The following PCSK2 variants were observed in gnomAD, a reference collection of about 807,000 sequenced individuals.
PCSK2 encodes the protein neuroendocrine convertase 2.
PCSK2 carries 14 observed loss-of-function variants against 69.7 expected under a neutral mutation model. The observed-to-expected ratio is 0.20, with a 90% confidence interval of 0.13 to 0.31. PCSK2 has a LOEUF of 0.31. Ranked by LOEUF, PCSK2 falls within the 10% of genes least tolerant of loss-of-function variation. The pLI is 1.00. For synonymous variants in PCSK2, 307 were observed against 320.7 expected (o/e 0.96, Z 0.46); for missense variants, 544 against 842.5 (o/e 0.65, Z 4.39).
At chr20:17,481,550 T>G in intron 11 of PCSK2, 34 bp from the exon 12 acceptor site, 1 of 1,597,910 alleles carries the variant, frequency 6.3e-7, no homozygotes, top group Non-Finnish European at 8.5e-7. Flanking sequence ...CACCCACCAC[T>G]GCTTATCCTA....
chr20:17,481,942 G>A lies in PCSK2; in HGVS notation c.1789G>A (p.Ala597Thr). The change falls in exon 12 of 12, where the codon GCC becomes ACC. Residue 597 changes from alanine to threonine, a missense_variant. Ala to Thr is a moderately conservative substitution (Grantham distance 58). Around this residue, in one of 3 missense-constraint regions of PCSK2, gnomAD observed 200 missense variants for 287.8 expected, o/e 0.69. Transcript: ENST00000262545. ...WTLMLHGTQS[A>T]PYIDQVVRDY... ...CCTGATGCTGCATGGCACTCAGAGT[G>A]CCCCGTACATCGACCAGGTGGTGCG... 1.9e-6 allele frequency: 3 copies of A among 1,613,628 alleles called. No individual in the cohort carries two copies. Among genetic ancestry groups the A allele is most frequent in the Non-Finnish European group, 1.7e-6 (2 of 1,179,976 alleles).
At chr20:17,441,036 C>T (rs555508739) in intron 8 of PCSK2, among the ~76,000 whole-genome samples, 13 of 152,286 alleles carry the variant, frequency 8.5e-5, no homozygotes, top group Non-Finnish European at 1.8e-4. Flanking sequence ...GGCTAGGCCA[C>T]ACTCACCCTG....
At chr20:17,301,114 CT>C (rs1989065563) in intron 2 of PCSK2, among the ~76,000 whole-genome samples, 1 of 152,176 alleles carries the variant, frequency 6.6e-6, no homozygotes, top group Admixed American at 6.5e-5. Flanking sequence ...AAGCAAGACA[CT>C]AGGATTGCAG....
intron 5 of PCSK2, among the ~76,000 whole-genome samples, chr20:17,373,399 G>T (rs941777769): frequency 1.3e-5 from 2 of 152,154 alleles, no homozygotes; most frequent in Non-Finnish European, 2.9e-5. Context: ...TTGAGGGCTT[G>T]TCCCAAAAGA....
At chr20:17,410,599 C>T (rs1274579203) in intron 6 of PCSK2, among the ~76,000 whole-genome samples, 1 of 152,190 alleles carries the variant, frequency 6.6e-6, no homozygotes. Context: ...CACCTGCAAC[C>T]TGAAAATGAC....
rs1294307031 is a variant in PCSK2, at chr20:17,227,140, A to G, written c.-166A>G. The G allele has an allele frequency of 1.2e-5, 7 of 590,384 alleles. No homozygotes were observed. The highest frequency in any genetic ancestry group is 2.1e-5 in the Non-Finnish European group (7 of 335,852). 36.6% of individuals were successfully genotyped at this position (590,384 alleles called of 1,614,324 possible). A position where few individuals can be genotyped will look rare whatever the true frequency, so the allele number is the denominator to read the frequency against. ...TTCCCCTCCAGCCAGATGCTGGAGAACACACACTGATTCGCTGCTTTCCAA... is the reference window on the plus strand; with the variant it reads ...TTCCCCTCCAGCCAGATGCTGGAGAGCACACACTGATTCGCTGCTTTCCAA... On this transcript the variant is annotated 5_prime_UTR_variant, in exon 1 of 12. Coordinates refer to ENST00000262545, the MANE Select transcript of PCSK2 (RefSeq NM_002594.5).
chr20:17,386,774 A>G (rs2031245925), intron 5 of PCSK2, among the ~76,000 whole-genome samples: 1 of 152,202 alleles, frequency 6.6e-6, no homozygotes, highest in Non-Finnish European at 1.5e-5. Context: ...GATGAATTTT[A>G]TGTTACATAT....
At chr20:17,356,077 A>G (rs1279739210) in intron 2 of PCSK2, among the ~76,000 whole-genome samples, 1 of 152,198 alleles carries the variant, frequency 6.6e-6, no homozygotes, top group Non-Finnish European at 1.5e-5. Context: ...CATATGTGAC[A>G]GTATGACACA....
chr20:17,341,170 A>T (rs900020922), intron 2 of PCSK2, among the ~76,000 whole-genome samples: 1 of 152,140 alleles, frequency 6.6e-6, no homozygotes, highest in African/African-American at 2.4e-5. Context: ...AACCCAGGAG[A>T]CAGAGGTTGC....
intron 10 of PCSK2, among the ~76,000 whole-genome samples, chr20:17,459,761 G>C (rs950785506): frequency 4.6e-5 from 7 of 152,200 alleles, no homozygotes. Context: ...AGGGATGGGT[G>C]GCCCAGGAAC....
rs138703316 is a variant in PCSK2, at chr20:17,383,056, G to A, written c.543+13779G>A. ...GTCAGCCCCAGGAGGATGAGGCCAC[G>A]GGGATCTGACCTGTCTTGTTCACCT... is the stretch of plus-strand genomic sequence containing the variant. On this transcript the variant is annotated intron_variant, in intron 5 of 11. Transcript: ENST00000262545. 3.9e-5 allele frequency among the ~76,000 whole-genome samples: 6 copies of A among 152,292 alleles called. No individual in the cohort carries two copies. In the South Asian group the frequency reaches 6.2e-4, roughly 16 times the overall value.
intron 1 of PCSK2, among the ~76,000 whole-genome samples, chr20:17,255,045 G>A (rs1392578321): frequency 6.6e-6 from 1 of 152,076 alleles, no homozygotes; most frequent in Non-Finnish European, 1.5e-5. Flanking sequence ...TGACTCTTTT[G>A]TCAATTCTAA....
At chr20:17,337,022 C>T (rs1398057569) in intron 2 of PCSK2, among the ~76,000 whole-genome samples, 1 of 152,168 alleles carries the variant, frequency 6.6e-6, no homozygotes, top group African/African-American at 2.4e-5. Context: ...AACCATGCAT[C>T]AACATTAGGT....
intron 5 of PCSK2, among the ~76,000 whole-genome samples, chr20:17,387,267 A>C (rs1270591196): frequency 6.6e-6 from 1 of 152,232 alleles, no homozygotes; most frequent in Admixed American, 6.5e-5. Flanking sequence ...TATATTAGTT[A>C]CCTATTGCTG....
At chr20:17,248,454 C>G (rs1041908611) in intron 1 of PCSK2, among the ~76,000 whole-genome samples, 1 of 152,150 alleles carries the variant, frequency 6.6e-6, no homozygotes, top group Non-Finnish European at 1.5e-5. Context: ...CTGTCTTTCT[C>G]TCCCTGCGGT....
chr20:17,456,405 GC>G lies in PCSK2; in HGVS notation c.1164del (p.Glu389ArgfsTer16). The G allele has an allele frequency of 6.2e-7, 1 of 1,612,472 alleles. No individual in the cohort carries two copies. The highest frequency in any genetic ancestry group is 8.5e-7 in the Non-Finnish European group (1 of 1,178,474). On this transcript the variant is annotated frameshift_variant, in exon 10 of 12. Coordinates refer to ENST00000262545, the MANE Select transcript of PCSK2 (RefSeq NM_002594.5). LOFTEE classifies it high-confidence loss of function. ...TLRHSGTSAA[A>X]PEAAGVFALA... ...GAGGCATTCTGGGACATCTGCAGCT[GC>G]CCCCGAGGCAGCTGGTGTGTTTGCA... is the stretch of plus-strand genomic sequence containing the variant.
chr20:17,414,625 G>T (rs868356773), intron 6 of PCSK2, among the ~76,000 whole-genome samples: 46 of 152,064 alleles, frequency 3.0e-4, no homozygotes, highest in African/African-American at 1.1e-3. Flanking sequence ...AGCGGTTACC[G>T]TTCCTTGTGA....
At chr20:17,349,866 C>T (rs1292314144) in intron 2 of PCSK2, among the ~76,000 whole-genome samples, 1 of 152,170 alleles carries the variant, frequency 6.6e-6, no homozygotes, top group East Asian at 1.9e-4. Flanking sequence ...CCATCCCTAG[C>T]AACTCTCAGT....
At chr20:17,327,236 C>T (rs1211772277) in intron 2 of PCSK2, among the ~76,000 whole-genome samples, 1 of 152,184 alleles carries the variant, frequency 6.6e-6, no homozygotes, top group African/African-American at 2.4e-5. Flanking sequence ...ATCAGATCCC[C>T]GACAAATGCA....
Sources: allele counts gnomAD v4.1 joint callset (sites outside exome capture counted in the v4.1 genomes callset), GRCh38; gene constraint gnomAD v4.1.1; regional missense constraint gnomAD v4.1.1; transcripts MANE v1.5; gene names NCBI Gene and HGNC (gene_info 2026-07-23, HGNC 2026-07-21).